ASH1L: variants seen among roughly 807,000 people sequenced by gnomAD.
ASH1L encodes the protein histone-lysine N-methyltransferase ASH1L.
ASH1L carries 23 observed loss-of-function variants against 269.0 expected under a neutral mutation model. The observed-to-expected ratio is 0.09, with a 90% CI of 0.06 to 0.12. The LOEUF is 0.12. Among genes scored for constraint, ASH1L ranks in the 10% least tolerant of loss-of-function variants. The pLI, the probability that ASH1L is intolerant of heterozygous loss-of-function variation, is 1.00. For synonymous variants in ASH1L, 1,187 were observed against 1,253.5 expected (o/e 0.95, Z 1.12); for missense variants, 2,912 against 3,567.8 (o/e 0.82, Z 4.68).
At chr1:155,490,404 G>A (rs1401685092) in intron 2 of ASH1L, among the ~76,000 whole-genome samples, 1 of 151,316 alleles carries the variant, frequency 6.6e-6, no homozygotes, top group South Asian at 2.1e-4. Flanking sequence ...TTGAGGTCAG[G>A]AGTTCCAGAC....
intron 21 of ASH1L, among the ~76,000 whole-genome samples, chr1:155,345,020 G>A (rs953547598): frequency 6.6e-6 from 1 of 151,916 alleles, no homozygotes; most frequent in South Asian, 2.1e-4. Flanking sequence ...GCAGTGGTGC[G>A]ATCTCGACCC....
At chr1:155,509,099 A>G (rs988558439) in intron 2 of ASH1L, among the ~76,000 whole-genome samples, 1 of 152,232 alleles carries the variant, frequency 6.6e-6, no homozygotes, top group East Asian at 1.9e-4. Context: ...CATTGTTTAT[A>G]AATTAATAGG....
intron 7 of ASH1L, among the ~76,000 whole-genome samples, chr1:155,393,887 A>G (rs1042330230): frequency 6.6e-6 from 1 of 152,036 alleles, no homozygotes; most frequent in Non-Finnish European, 1.5e-5. Context: ...CAAATATTTG[A>G]TAAACTTCTA....
chr1:155,490,229 G>T (rs528716935), intron 2 of ASH1L, among the ~76,000 whole-genome samples: 2 of 151,942 alleles, frequency 1.3e-5, no homozygotes, highest in East Asian at 3.9e-4. Flanking sequence ...CTCCCAAAGT[G>T]CTGGGATTAC....
At chr1:155,428,314 G>A (rs972570605) in intron 5 of ASH1L, among the ~76,000 whole-genome samples, 4 of 148,844 alleles carry the variant, frequency 2.7e-5, no homozygotes, top group Non-Finnish European at 5.9e-5. Flanking sequence ...GGTGGTGGGC[G>A]CCTCTAATCC....
chr1:155,482,511 T>G, intron 2 of ASH1L, 62 bp from the exon 3 acceptor site: 1 of 1,503,558 alleles, frequency 6.7e-7, no homozygotes, highest in South Asian at 1.3e-5. Flanking sequence ...TTAGCTTAGC[T>G]TAACAATCCA....
At chr1:155,433,278 G>A (rs1283333204) in intron 5 of ASH1L, 4 of 1,565,156 alleles carry the variant, frequency 2.6e-6, no homozygotes, top group Middle Eastern at 2.0e-4. Flanking sequence ...GTTGATCCTC[G>A]GACCTGGCTA....
At chr1:155,460,736 G>A (rs1299346912) in intron 3 of ASH1L, among the ~76,000 whole-genome samples, 1 of 152,154 alleles carries the variant, frequency 6.6e-6, no homozygotes, top group Non-Finnish European at 1.5e-5. Context: ...ATTTATCCAT[G>A]AAATACAGTA....
intron 6 of ASH1L, among the ~76,000 whole-genome samples, chr1:155,401,243 A>G (rs994538261): frequency 3.9e-5 from 6 of 151,932 alleles, no homozygotes; most frequent in Non-Finnish European, 8.8e-5. Context: ...TTGGGAGGCC[A>G]AGGCAGGCGG....
At chr1:155,395,653 G>C in intron 6 of ASH1L, 100 bp from the exon 7 acceptor site, 1 of 670,690 alleles carries the variant, frequency 1.5e-6, no homozygotes, top group Non-Finnish European at 2.3e-6. Flanking sequence ...AGGGTACCAA[G>C]TACATTGATA....
intron 5 of ASH1L, among the ~76,000 whole-genome samples, chr1:155,435,192 T>A (rs1376624464): frequency 2.6e-5 from 4 of 152,158 alleles, no homozygotes; most frequent in Admixed American, 2.6e-4. Flanking sequence ...TAGTGTATGA[T>A]AAATGTATCA....
In ASH1L at chr1:155,562,673, G is replaced by A. The variant is rs1195746524; in HGVS notation, c.-620C>T. ...CAACCACCACCTTCGGCCGCCCCGC[G>A]CGCCAGCCAGCCCGTACGCGCTCAC... On this transcript the variant is annotated 5_prime_UTR_variant, in exon 1 of 28. Transcript: ENST00000392403. 1 of 1,521,850 alleles carries A rather than the reference G, an allele frequency of 6.6e-7. No homozygotes were observed. Among genetic ancestry groups the A allele is most frequent in the Non-Finnish European group, 8.8e-7 (1 of 1,137,578 alleles). 94.3% of individuals were successfully genotyped at this position (1,521,850 alleles called of 1,614,324 possible).
chr1:155,484,928 C>CAAAA (rs761331437), intron 2 of ASH1L, among the ~76,000 whole-genome samples: 1 of 82,800 alleles, frequency 1.2e-5, no homozygotes, highest in South Asian at 4.3e-4. Context: ...TGCTCTGTCT[C>CAAAA]AAAAAAAAAA....
At chr1:155,414,120 A>T (rs1660020502) in intron 6 of ASH1L, among the ~76,000 whole-genome samples, 1 of 152,152 alleles carries the variant, frequency 6.6e-6, no homozygotes, top group African/African-American at 2.4e-5. Flanking sequence ...TTTCAATCTT[A>T]TTCTTCTCTT....
intron 7 of ASH1L, among the ~76,000 whole-genome samples, chr1:155,388,776 C>T (rs1452360417): frequency 6.9e-6 from 1 of 144,402 alleles, no homozygotes; most frequent in Non-Finnish European, 1.5e-5. Context: ...CTGGAGTGCG[C>T]TGGTGCAATC....
intron 19 of ASH1L, among the ~76,000 whole-genome samples, 184 bp from the exon 20 acceptor site, chr1:155,348,088 G>A (rs1653524463): frequency 6.6e-6 from 1 of 152,162 alleles, no homozygotes; most frequent in Non-Finnish European, 1.5e-5. Context: ...ATGAATTCAA[G>A]TTAGAATCTG....
chr1:155,466,543 C>T (rs1001737856), intron 3 of ASH1L, among the ~76,000 whole-genome samples: 1 of 152,030 alleles, frequency 6.6e-6, no homozygotes, highest in African/African-American at 2.4e-5. Context: ...ATAGGCATAT[C>T]TTTTTTCTAT....
chr1:155,397,245 C>G (rs1360790966), intron 6 of ASH1L, among the ~76,000 whole-genome samples: 1 of 151,918 alleles, frequency 6.6e-6, no homozygotes, highest in East Asian at 1.9e-4. Context: ...GCCTGCAATC[C>G]TAGCACTGTG....
At chr1:155,508,705 C>T (rs2148813362) in intron 2 of ASH1L, among the ~76,000 whole-genome samples, 1 of 152,250 alleles carries the variant, frequency 6.6e-6, no homozygotes, top group African/African-American at 2.4e-5. Flanking sequence ...CTACTTAGAG[C>T]AATATGCTAC....
Sources: allele counts gnomAD v4.1 joint callset (sites outside exome capture counted in the v4.1 genomes callset), GRCh38; gene constraint gnomAD v4.1.1; transcripts MANE v1.5; gene names NCBI Gene and HGNC (gene_info 2026-07-23, HGNC 2026-07-21).